RBM23: variants seen among roughly 807,000 people sequenced by gnomAD.
The protein encoded by RBM23 is probable RNA-binding protein 23.
RBM23 carries 53 observed loss-of-function variants against 56.2 expected under a neutral mutation model. The ratio of observed to expected loss-of-function variants is 0.94; its 90% CI spans 0.76 to 1.19. The LOEUF is 1.19. Ranked by LOEUF, RBM23 falls within the 50% of genes most tolerant of loss-of-function variation. The probability of loss-of-function intolerance (pLI) is 0.00; values close to 1 mark genes in which losing one functional copy is unlikely to be tolerated. For synonymous variants in RBM23, 197 were observed against 198.5 expected, an observed-to-expected ratio of 0.99 and a Z score of 0.06; for missense variants, 642 against 590.3, an observed-to-expected ratio of 1.09 and a Z score of -0.91.
intron 9 of RBM23, among the ~76,000 whole-genome samples, chr14:22,904,659 C>T (rs1159693846): frequency 2.6e-5 from 4 of 151,864 alleles, no homozygotes; most frequent in African/African-American, 9.7e-5. Flanking sequence ...TTTAATCTTT[C>T]TTAACCTGGC....
Position 22,916,239 on chromosome 14 carries a change from C to T in RBM23, c.-11+2760G>A, listed in dbSNP as rs552539072. On this transcript the variant is annotated intron_variant, in intron 1 of 13. Coordinates refer to ENST00000359890, the MANE Select transcript of RBM23 (RefSeq NM_001077351.2). ...TCAATCCCCAAAACAGAGAAGGTCA[C>T]ACAGCTCAAAGGGAAGAATGTTTTT... Among the ~76,000 whole-genome samples the T allele has an allele frequency of 7.5e-4, 114 of 151,710 alleles. 1 individual carries two copies. Among genetic ancestry groups the T allele is most frequent in the Middle Eastern group, 6.8e-3 (2 of 294 alleles).
chr14:22,910,525 G>A (rs1372173264), intron 2 of RBM23, among the ~76,000 whole-genome samples: 1 of 149,938 alleles, frequency 6.7e-6, no homozygotes, highest in Non-Finnish European at 1.5e-5. Context: ...GAAGGAGGGA[G>A]GGATGGGAGG....
intron 4 of RBM23, among the ~76,000 whole-genome samples, chr14:22,906,945 G>C (rs1034387691): frequency 2.6e-5 from 4 of 152,012 alleles, no homozygotes. Flanking sequence ...AGACCAAAAT[G>C]GGTGGATCAC....
At chr14:22,910,830 G>A (rs1008575706) in intron 2 of RBM23, among the ~76,000 whole-genome samples, 8 of 152,342 alleles carry the variant, frequency 5.3e-5, no homozygotes, top group African/African-American at 1.9e-4. Context: ...GGCCAACATG[G>A]TGAAACCCCG....
chr14:22,902,953 T>G (rs931935319), intron 10 of RBM23: 1 of 697,622 alleles, frequency 1.4e-6, no homozygotes, highest in Non-Finnish European at 1.8e-6. Context: ...TTTTTTATTT[T>G]TATTTTTTAG....
chr14:22,906,246 T>G lies in RBM23; in HGVS notation c.350A>C (p.Asp117Ala). ...ATGCACACGATCCTCACGACGATGGTCCCGACTTCGCGACTCACTACCATG... is the reference window on the plus strand; with the variant it reads ...ATGCACACGATCCTCACGACGATGGGCCCGACTTCGCGACTCACTACCATG... ...RRHGSESRSR[D>A]HRREDRVHYR... The change falls in exon 5 of 14, where the codon GAC becomes GCC. Residue 117 changes from aspartate (D) to alanine (A), a missense_variant. Coordinates refer to ENST00000359890, the MANE Select transcript of RBM23 (RefSeq NM_001077351.2). 6.2e-7 allele frequency: 1 copy of G among 1,614,206 alleles called. No individual in the cohort carries two copies. The highest frequency in any genetic ancestry group is 8.5e-7 in the Non-Finnish European group (1 of 1,180,032).
Position 22,893,489 on chromosome 14 carries a change from A to G in RBM23, c.*8241T>C, listed in dbSNP as rs2040198432. On this transcript the variant is annotated 3_prime_UTR_variant, in exon 14 of 14. Transcript: ENST00000359890. ...GCAAAATAGCAGCAAACAATACCAC[A>G]TTCTATCTAACTGGGGGCTACCTCA... The G allele has an allele frequency of 6.6e-6, 1 of 152,230 alleles. No individual in the cohort carries two copies. The highest frequency in any genetic ancestry group is 2.4e-5 in the African/African-American group (1 of 41,460). 9.4% of individuals were successfully genotyped at this position (152,230 alleles called of 1,614,324 possible).
chr14:22,909,435 TGTTTCCCTTCCCCAA>T, intron 3 of RBM23, 33 bp downstream of exon 3: 1 of 1,469,772 alleles, frequency 6.8e-7, no homozygotes, highest in Non-Finnish European at 9.5e-7. Context: ...TGGACAAAAC[TGTTTCCCTTCCCCAA>T]GTTGCCAACC....
At position 22,901,566 on chromosome 14, in the gene RBM23, G is replaced by T; in HGVS notation, c.*164C>A. 2 of 1,017,024 alleles carry T rather than the reference G, an allele frequency of 2.0e-6. No homozygotes were observed. The highest frequency in any genetic ancestry group is 2.9e-6 in the Non-Finnish European group (2 of 684,634). 63.0% of individuals were successfully genotyped at this position (1,017,024 alleles called of 1,614,324 possible). ...TCCATTTCCAGTGGGACCATGGGCA[G>T]GAGCTTTTCTTGGTATCTTAAGGGT... On this transcript the variant is annotated 3_prime_UTR_variant, in exon 14 of 14. Transcript: ENST00000359890.
chr14:22,913,821 C>A (rs907003971), intron 1 of RBM23: 2 of 151,746 alleles, frequency 1.3e-5, no homozygotes, highest in Non-Finnish European at 2.9e-5. Flanking sequence ...TGTGCTCCAG[C>A]CTGGGTGACA....
rs369497157 is a variant in RBM23, at chr14:22,906,319, T to A, written c.277A>T (p.Ser93Cys). Residue 93 changes from serine (S) to cysteine (C), a missense_variant, in exon 5 of 14, where the codon AGT (serine) becomes TGT (cysteine). Ser to Cys is a moderately radical substitution (Grantham distance 112, BLOSUM62 -1). Transcript: ENST00000359890. ...CGGTGACGACACTGCCGACCTGGAC[T>A]TCGGCTCCGACTATTTCTCCGTCTA... is the stretch of plus-strand genomic sequence containing the variant. ...RYRRRNSRSR[S>C]PGRQCRHRSR... The A allele has an allele frequency of 6.2e-7, 1 of 1,614,224 alleles. No homozygotes were observed. Among genetic ancestry groups the A allele is most frequent in the South Asian group, 1.1e-5 (1 of 91,090 alleles).
chr14:22,914,927 G>A (rs1363100189), intron 1 of RBM23, among the ~76,000 whole-genome samples: 1 of 142,626 alleles, frequency 7.0e-6, no homozygotes, highest in African/African-American at 2.6e-5. Context: ...AGGTTGCAGT[G>A]AGCCGAGATC....
At chr14:22,916,889 A>T (rs1205423212) in intron 1 of RBM23, 1 of 150,288 alleles carries the variant, frequency 6.7e-6, no homozygotes, top group African/African-American at 2.5e-5. Context: ...TTTTTTTTTG[A>T]GAGAGTTTCA....
rs756596764 is a variant in RBM23, at chr14:22,896,278, C to G, written c.*5452G>C. The G allele has an allele frequency of 2.0e-5, 3 of 152,150 alleles. No individual in the cohort carries two copies. Among genetic ancestry groups the G allele is most frequent in the Non-Finnish European group, 4.4e-5 (3 of 68,026 alleles). The allele number at this position is 152,150 out of a possible 1,614,324, so 9.4% of individuals were successfully genotyped here. On this transcript the variant is annotated 3_prime_UTR_variant, in exon 14 of 14. Transcript: ENST00000359890. ...ATGAAGTGTGAGAGAAGTGAAGTAA[C>G]CTACCCAAGCTTATTCAGCTAGTTT...
At chr14:22,915,501 T>C (rs1356461835) in intron 1 of RBM23, among the ~76,000 whole-genome samples, 1 of 149,054 alleles carries the variant, frequency 6.7e-6, no homozygotes, top group East Asian at 2.0e-4. Flanking sequence ...CCTGGCTTTT[T>C]TTTTTTTTTT....
At chr14:22,910,353 G>C (rs1285506002) in intron 2 of RBM23, among the ~76,000 whole-genome samples, 1 of 145,830 alleles carries the variant, frequency 6.9e-6, no homozygotes, top group Non-Finnish European at 1.5e-5. Context: ...CAGCTACTTG[G>C]GAGGCAGGAG....
chr14:22,912,998 CAAAAAAAAAA>C (rs58361546), intron 1 of RBM23, among the ~76,000 whole-genome samples: 10 of 35,422 alleles, frequency 2.8e-4, no homozygotes, highest in East Asian at 1.8e-3. Flanking sequence ...GATTCAGTCT[CAAAAAAAAAA>C]AAAAAAAAAA....
Position 22,906,361 on chromosome 14 carries a change from G to C in RBM23, c.235C>G (p.Arg79Gly), listed in dbSNP as rs764052323. 3.7e-6 allele frequency: 6 copies of C among 1,614,082 alleles called. No individual in the cohort carries two copies. The South Asian group carries it at 6.6e-5, about 18-fold the overall frequency. ...KSRDRKRSRS[R>G]DRDRYRRRNS... is the part of the protein sequence containing the mutation. ...CTCCGTCTATACCGATCCCGATCTC[G>C]ACTACGACTACAGAGGGAAACAACT... The change falls in exon 5 of 14, where the codon CGA (arginine) becomes GGA (glycine). Residue 79 changes from arginine (R) to glycine (G), a missense_variant. Physicochemically the swap from Arg to Gly is moderately radical, Grantham distance 125. Transcript: ENST00000359890.
intron 10 of RBM23, chr14:22,902,678 G>A (rs2138904723): frequency 9.2e-7 from 1 of 1,089,906 alleles, no homozygotes; most frequent in South Asian, 4.2e-5. Flanking sequence ...TTCACAAATG[G>A]GTATATCAAA....
Sources: allele counts gnomAD v4.1 joint callset (sites outside exome capture counted in the v4.1 genomes callset), GRCh38; gene constraint gnomAD v4.1.1; transcripts MANE v1.5; gene names NCBI Gene and HGNC (gene_info 2026-07-23, HGNC 2026-07-21).